CPPED1: variants seen among roughly 807,000 people sequenced by gnomAD.
The protein encoded by CPPED1 is calcineurin like phosphoesterase domain containing 1.
In CPPED1, 28 loss-of-function variants were observed where a neutral mutation model predicts 28.0. That is an observed-to-expected ratio of 1.00 (90% confidence interval 0.74 to 1.37). The LOEUF (loss-of-function observed/expected upper bound fraction) is 1.37. Ranked by LOEUF, CPPED1 falls within the 40% of genes most tolerant of loss-of-function variation. The pLI is 0.00. For synonymous variants in CPPED1, 198 were observed against 180.2 expected (o/e 1.10, Z -0.79); for missense variants, 504 against 416.5 (o/e 1.21, Z -1.83).
intron 2 of CPPED1, among the ~76,000 whole-genome samples, chr16:12,771,716 G>C (rs562061484): frequency 6.6e-6 from 1 of 152,312 alleles, no homozygotes; most frequent in South Asian, 2.1e-4. Flanking sequence ...CTGGATTGTG[G>C]AACCACAGAA....
At chr16:12,704,201 T>C (rs1596452904) in intron 3 of CPPED1, among the ~76,000 whole-genome samples, 1 of 152,190 alleles carries the variant, frequency 6.6e-6, no homozygotes, top group Admixed American at 6.5e-5. Flanking sequence ...CCTGGCATCT[T>C]GCCTTCTCCC....
rs2080070811 is a variant in CPPED1, at chr16:12,709,903, GGGGGGA to G, written c.290-4860_290-4855del. Among the ~76,000 whole-genome samples, 1 of 111,306 alleles carries G rather than the reference GGGGGGA, an allele frequency of 9.0e-6. No individual in the cohort carries two copies. The highest frequency in any genetic ancestry group is 1.8e-5 in the Non-Finnish European group (1 of 56,024). The allele number at this position is 111,306 out of a possible 152,430, so 73.0% of individuals were successfully genotyped here. A position where few individuals can be genotyped will look rare whatever the true frequency, so the allele number is the denominator to read the frequency against. On this transcript the variant is annotated intron_variant, in intron 2 of 3. Coordinates refer to ENST00000381774, the MANE Select transcript of CPPED1 (RefSeq NM_018340.3). The surrounding 1 kb of genome is among the most constrained non-coding windows in gnomAD (Gnocchi z 4.4). ...GAAGGAAGGGAAGGAAGGGAAAGAC[GGGGGGA>G]AGGAAGGGAAGGAAGGGAAGGAAGG...
chr16:12,689,615 A>G (rs2079951812), intron 3 of CPPED1, among the ~76,000 whole-genome samples: 1 of 152,058 alleles, frequency 6.6e-6, no homozygotes, highest in African/African-American at 2.4e-5. Flanking sequence ...CTGTGCAACA[A>G]GAGTGCACCT....
Position 12,768,871 on chromosome 16 carries a change from T to TTC in CPPED1, c.289+12313_289+12314insGA, listed in dbSNP as rs1555490338. Among the ~76,000 whole-genome samples, 8 of 151,144 alleles carry TTC rather than the reference T, an allele frequency of 5.3e-5. No individual in the cohort carries two copies. The East Asian group carries it at 1.2e-3, about 22-fold the overall frequency. ...TCACTGCCATTTTTTCTTTTTCTTT[T>TTC]TTTTTTTTTTTGAGACGGAGTTTCA... On this transcript the variant is annotated intron_variant, in intron 2 of 3. Transcript: ENST00000381774.
intron 2 of CPPED1, among the ~76,000 whole-genome samples, chr16:12,726,042 A>C (rs950114323): frequency 1.3e-5 from 2 of 151,976 alleles, no homozygotes; most frequent in East Asian, 3.9e-4. Flanking sequence ...AAAAAAGAAA[A>C]AATCATTTTT....
intron 2 of CPPED1, among the ~76,000 whole-genome samples, chr16:12,761,569 G>C (rs2080410136): frequency 2.6e-5 from 4 of 152,112 alleles, no homozygotes; most frequent in Non-Finnish European, 2.9e-5. Flanking sequence ...CAATGATAAT[G>C]AATCAATCAG....
chr16:12,675,090 C>T (rs948419097), intron 3 of CPPED1, among the ~76,000 whole-genome samples: 1 of 152,176 alleles, frequency 6.6e-6, no homozygotes, highest in Non-Finnish European at 1.5e-5. Context: ...CCCATCTCAG[C>T]TTTCTATTAG....
intron 3 of CPPED1, among the ~76,000 whole-genome samples, chr16:12,689,119 C>T (rs1268678529): frequency 6.6e-6 from 1 of 150,876 alleles, no homozygotes; most frequent in Non-Finnish European, 1.5e-5. Context: ...GTACAATGAG[C>T]TGTGGTCTGG....
At chr16:12,690,377 G>A (rs946079162) in intron 3 of CPPED1, among the ~76,000 whole-genome samples, 14 of 152,034 alleles carry the variant, frequency 9.2e-5, no homozygotes, top group Non-Finnish European at 1.3e-4. Flanking sequence ...AGCCAGGCGT[G>A]GTGGGGAGCA....
At chr16:12,751,027 G>A (rs2141218330) in intron 2 of CPPED1, among the ~76,000 whole-genome samples, 1 of 151,892 alleles carries the variant, frequency 6.6e-6, no homozygotes, top group East Asian at 1.9e-4. Context: ...AAATGATGCT[G>A]GATGCATGGT....
intron 2 of CPPED1, among the ~76,000 whole-genome samples, chr16:12,723,187 G>C (rs756323851): frequency 1.3e-5 from 2 of 152,158 alleles, no homozygotes; most frequent in East Asian, 1.9e-4. Flanking sequence ...TGCACACAGG[G>C]TGTCATTCCT....
At chr16:12,799,239 G>C (rs1232210627) in intron 1 of CPPED1, among the ~76,000 whole-genome samples, 2 of 131,874 alleles carry the variant, frequency 1.5e-5, no homozygotes, top group Non-Finnish European at 3.1e-5. Flanking sequence ...AAGGGGAAAA[G>C]TCAGTTTTTT....
intron 2 of CPPED1, among the ~76,000 whole-genome samples, chr16:12,715,087 T>C (rs1313067845): frequency 6.6e-6 from 1 of 152,172 alleles, no homozygotes; most frequent in Non-Finnish European, 1.5e-5. Flanking sequence ...GGCGCCCTTG[T>C]CAAAAATCCA....
intron 3 of CPPED1, among the ~76,000 whole-genome samples, chr16:12,672,080 G>A (rs1032952545): frequency 1.3e-5 from 2 of 152,236 alleles, no homozygotes; most frequent in Non-Finnish European, 2.9e-5. Context: ...CACAGCCTAG[G>A]TGTGCAGTAG....
chr16:12,668,861 A>C (rs1173253738), intron 3 of CPPED1, among the ~76,000 whole-genome samples: 1 of 152,240 alleles, frequency 6.6e-6, no homozygotes, highest in Admixed American at 6.5e-5. Context: ...GAGAAATTAG[A>C]ACCTTCATAC....
intron 2 of CPPED1, among the ~76,000 whole-genome samples, chr16:12,706,173 AATAAT>A (rs2080049256): frequency 1.3e-5 from 2 of 152,110 alleles, no homozygotes; most frequent in Non-Finnish European, 2.9e-5. Flanking sequence ...ATAGTAAGTT[AATAAT>A]ATAAGGCACA....
chr16:12,803,698 G>A lies in CPPED1; in HGVS notation c.70+9C>T, dbSNP rs765797546. 6.4e-7 allele frequency: 1 copy of A among 1,558,966 alleles called. No homozygotes were observed. Among genetic ancestry groups the A allele is most frequent in the Non-Finnish European group, 8.7e-7 (1 of 1,153,662 alleles). ...AGAGTCCCCTCCCCGGGTGAGGGGC[G>A]GGCAGTACCTGCGGGAAACGCGGCC... On this transcript the variant is annotated intron_variant, in intron 1 of 3. Transcript: ENST00000381774.
intron 2 of CPPED1, among the ~76,000 whole-genome samples, chr16:12,737,075 A>AG (rs2080230458): frequency 1.3e-5 from 2 of 152,138 alleles, no homozygotes; most frequent in South Asian, 4.1e-4. Context: ...CTGCAGTCCC[A>AG]GCTACTCAGG....
intron 2 of CPPED1, among the ~76,000 whole-genome samples, chr16:12,750,483 C>T (rs1041651056): frequency 5.7e-4 from 87 of 152,236 alleles, no homozygotes; most frequent in African/African-American, 2.0e-3. Flanking sequence ...AATGGCCACT[C>T]AGTGGAGCAG....
Sources: allele counts gnomAD v4.1 joint callset (sites outside exome capture counted in the v4.1 genomes callset), GRCh38; gene constraint gnomAD v4.1.1; non-coding constraint Gnocchi (gnomAD v3.1); transcripts MANE v1.5; gene names NCBI Gene and HGNC (gene_info 2026-07-23, HGNC 2026-07-21).